The following XCL1 variants were observed in gnomAD, a reference collection of about 807,000 sequenced individuals.
XCL1 encodes X-C motif chemokine ligand 1.
In XCL1, 6 loss-of-function variants were observed where a neutral mutation model predicts 7.4. The ratio of observed to expected loss-of-function variants is 0.82; its 90% CI spans 0.45 to 1.61. The LOEUF (loss-of-function observed/expected upper bound fraction) is 1.61. Among genes scored for constraint, XCL1 ranks in the 40% most tolerant of loss-of-function variants. The pLI is 0.01. For synonymous variants in XCL1, 48 were observed against 52.4 expected (o/e 0.92, Z 0.36); for missense variants, 122 against 138.2 (o/e 0.88, Z 0.59).
intron 1 of XCL1, chr1:168,579,252 T>C (rs1459360786): frequency 3.0e-6 from 1 of 334,088 alleles, no homozygotes. Flanking sequence ...TGGAACCAGA[T>C]ATAGCGGGGC....
intron 2 of XCL1, among the ~76,000 whole-genome samples, chr1:168,580,810 T>C (rs1445337344): frequency 3.3e-5 from 5 of 152,192 alleles, no homozygotes; most frequent in African/African-American, 1.2e-4. Flanking sequence ...GTGACATGGA[T>C]GAGAAAAGGA....
chr1:168,578,968 T>C (rs989668463), intron 1 of XCL1: 7 of 394,126 alleles, frequency 1.8e-5, no homozygotes, highest in Non-Finnish European at 2.5e-5. Flanking sequence ...CCATGTGCAA[T>C]ACCAGCTGAG....
intron 2 of XCL1, 65 bp downstream of exon 2, chr1:168,580,242 G>C: frequency 6.5e-7 from 1 of 1,537,678 alleles, no homozygotes; most frequent in Non-Finnish European, 8.9e-7. Context: ...ACACTCTGTA[G>C]AAATGCTGCC....
At chr1:168,580,285 C>T (rs956142705) in intron 2 of XCL1, 108 bp downstream of exon 2, 13 of 1,237,716 alleles carry the variant, frequency 1.1e-5, no homozygotes, top group African/African-American at 1.5e-5. Flanking sequence ...CATAGAGGAA[C>T]ACCTCAACTT....
Position 168,581,994 on chromosome 1 carries a change from C to G in XCL1, c.*774C>G, listed in dbSNP as rs889302564. ...GAATAAGCTTTTAATGCTCCAAATG[C>G]TGACCCATGCAATATTTCCTCATGT... On this transcript the variant is annotated 3_prime_UTR_variant, in exon 3 of 3. Transcript: ENST00000367818. 4 of 152,212 alleles carry G rather than the reference C, an allele frequency of 2.6e-5. No homozygotes were observed. Among genetic ancestry groups the G allele is most frequent in the Admixed American group, 2.6e-4 (4 of 15,282 alleles). 9.4% of individuals were successfully genotyped at this position (152,212 alleles called of 1,614,324 possible).
At chr1:168,580,972 A>C (rs1249270753) in intron 2 of XCL1, 80 bp from the exon 3 acceptor site, 1 of 1,539,364 alleles carries the variant, frequency 6.5e-7, no homozygotes, top group Non-Finnish European at 8.8e-7. Flanking sequence ...AGATCTCTTC[A>C]TGTCTGCCCT....
At chr1:168,580,273 A>G in intron 2 of XCL1, 96 bp downstream of exon 2, 2 of 1,358,652 alleles carry the variant, frequency 1.5e-6, no homozygotes, top group Non-Finnish European at 2.0e-6. Context: ...AAAGTAGGTC[A>G]GCATAGAGGA....
chr1:168,581,388 A>G lies in XCL1; in HGVS notation c.*168A>G. On this transcript the variant is annotated 3_prime_UTR_variant, in exon 3 of 3. Coordinates refer to ENST00000367818, the MANE Select transcript of XCL1 (RefSeq NM_002995.3). ...TATTCACTTATATGTTCTAATTAAT[A>G]AATTATTTATTATTAAGAATAGTTC... is the stretch of plus-strand genomic sequence containing the variant. The G allele has an allele frequency of 5.4e-6, 4 of 746,068 alleles. No homozygotes were observed. The highest frequency in any genetic ancestry group is 7.0e-5 in the Admixed American group (2 of 28,674). 46.2% of individuals were successfully genotyped at this position (746,068 alleles called of 1,614,324 possible).
chr1:168,578,779 C>A, intron 1 of XCL1: 1 of 467,962 alleles, frequency 2.1e-6, no homozygotes, highest in Non-Finnish European at 4.2e-6. Context: ...CTGATAGCTT[C>A]CACCAGCTTA....
At chr1:168,578,131 T>A (rs1053827918) in intron 1 of XCL1, among the ~76,000 whole-genome samples, 1 of 152,258 alleles carries the variant, frequency 6.6e-6, no homozygotes, top group East Asian at 1.9e-4. Context: ...CCCAGATTTT[T>A]CCTCTTTCAT....
Position 168,581,149 on chromosome 1 carries a change from A to G in XCL1, c.274A>G (p.Asn92Asp). The G allele has an allele frequency of 3.1e-6, 5 of 1,613,810 alleles. No individual in the cohort carries two copies. The highest frequency in any genetic ancestry group is 4.2e-6 in the Non-Finnish European group (5 of 1,179,792). Reference sequence around the variant, plus strand: ...CATGGACAGGAAATCCAACACCAGAAATAACATGATCCAGACCAAGCCAAC... The same window carrying G: ...CATGGACAGGAAATCCAACACCAGAGATAACATGATCCAGACCAAGCCAAC... ...RSMDRKSNTR[N>D]NMIQTKPTGT... The change falls in exon 3 of 3, where the codon AAT becomes GAT. Residue 92 changes from asparagine (N) to aspartate (D), a missense_variant. Coordinates refer to ENST00000367818, the MANE Select transcript of XCL1 (RefSeq NM_002995.3).
rs1441003236 is a variant in XCL1 at position 168,580,116 on chromosome 1, C to A, written c.115C>A (p.Arg39=). 1.2e-6 allele frequency: 2 copies of A among 1,612,954 alleles called. No individual in the cohort carries two copies. The highest frequency in any genetic ancestry group is 8.5e-7 in the Non-Finnish European group (1 of 1,179,400). ...GACCTGTGTGAGCCTCACTACCCAGCGACTGCCGGTTAGCAGAATCAAGAC... is the reference window on the plus strand; with the variant it reads ...GACCTGTGTGAGCCTCACTACCCAGAGACTGCCGGTTAGCAGAATCAAGAC... ...KRTCVSLTTQ[R]LPVSRIKTYT... is the part of the protein sequence containing the mutation. The change falls in exon 2 of 3, where the codon CGA becomes AGA. Residue 39 remains arginine, a synonymous_variant. Transcript: ENST00000367818.
chr1:168,581,262 T>C lies in XCL1; in HGVS notation c.*42T>C, dbSNP rs1289603177. On this transcript the variant is annotated 3_prime_UTR_variant, in exon 3 of 3. Coordinates refer to ENST00000367818, the MANE Select transcript of XCL1 (RefSeq NM_002995.3). ...GTCCGTCTCCAGCCAGCCAGCTCAT[T>C]TCACTTTACACGCTCATGGACTGAG... 5.0e-6 allele frequency: 8 copies of C among 1,607,400 alleles called. No individual in the cohort carries two copies. The highest frequency in any genetic ancestry group is 6.8e-6 in the Non-Finnish European group (8 of 1,175,558).
chr1:168,578,514 A>T (rs1192983866), intron 1 of XCL1: 4 of 169,894 alleles, frequency 2.4e-5, no homozygotes, highest in Non-Finnish European at 5.0e-5. Context: ...TAATAGTTTA[A>T]TTCCTTTGGG....
intron 1 of XCL1, chr1:168,579,042 T>C: frequency 4.9e-6 from 2 of 406,208 alleles, no homozygotes; most frequent in South Asian, 3.9e-5. Context: ...GGTGATTTCC[T>C]AGTGGGGACA....
chr1:168,578,066 G>T (rs1205382109), intron 1 of XCL1, among the ~76,000 whole-genome samples: 1 of 152,178 alleles, frequency 6.6e-6, no homozygotes, highest in Non-Finnish European at 1.5e-5. Context: ...GTCCACTTCA[G>T]ATACTTCACA....
intron 2 of XCL1, among the ~76,000 whole-genome samples, chr1:168,580,434 T>C (rs747739642): frequency 3.3e-5 from 5 of 152,224 alleles, no homozygotes; most frequent in Non-Finnish European, 7.3e-5. Context: ...GTCTGTTGAA[T>C]ACTGTGCACA....
intron 2 of XCL1, 149 bp downstream of exon 2, chr1:168,580,326 A>G (rs1655131866): frequency 1.1e-6 from 1 of 877,972 alleles, no homozygotes; most frequent in Non-Finnish European, 1.7e-6. Flanking sequence ...TTCCTTATCA[A>G]TCATGTCTTT....
At chr1:168,577,232 T>G (rs1655045257) in intron 1 of XCL1, among the ~76,000 whole-genome samples, 1 of 152,152 alleles carries the variant, frequency 6.6e-6, no homozygotes, top group Non-Finnish European at 1.5e-5. Context: ...TAAATCAATG[T>G]TTTCAATACA....
Sources: allele counts gnomAD v4.1 joint callset (sites outside exome capture counted in the v4.1 genomes callset), GRCh38; gene constraint gnomAD v4.1.1; transcripts MANE v1.5; gene names NCBI Gene and HGNC (gene_info 2026-07-23, HGNC 2026-07-21).